The following CNBD1 variants were observed in gnomAD, a reference collection of about 807,000 sequenced individuals.
CNBD1 encodes cyclic nucleotide-binding domain-containing protein 1.
CNBD1 carries 71 observed loss-of-function variants against 54.4 expected under a neutral mutation model. That is an observed-to-expected ratio of 1.30 (90% CI 1.08 to 1.59). The LOEUF (loss-of-function observed/expected upper bound fraction) is 1.59. CNBD1 is among the 40% of genes most tolerant of loss of function. The probability of loss-of-function intolerance (pLI) is 0.00; values close to 1 mark genes in which losing one functional copy is unlikely to be tolerated. For missense variants in CNBD1, 659 were observed against 518.0 expected (o/e 1.27, Z -2.64); for synonymous variants, 182 against 170.7 (o/e 1.07, Z -0.51).
intron 4 of CNBD1, among the ~76,000 whole-genome samples, chr8:87,030,129 A>G (rs1360029957): frequency 6.6e-6 from 1 of 152,246 alleles, no homozygotes; most frequent in Non-Finnish European, 1.5e-5. Flanking sequence ...TTATTTTAAA[A>G]TGCTTGATGG....
intron 9 of CNBD1, among the ~76,000 whole-genome samples, chr8:87,352,747 A>C (rs1238514456): frequency 6.6e-6 from 1 of 152,182 alleles, no homozygotes; most frequent in African/African-American, 2.4e-5. Context: ...CTGTGGTAGA[A>C]AAGTTAGAAC....
At chr8:87,385,078 G>A (rs986164524), downstream of CNBD1, among the ~76,000 whole-genome samples, 4 of 152,138 alleles carry the variant, frequency 2.6e-5, no homozygotes, top group South Asian at 2.1e-4. Flanking sequence ...GGGGGACAAG[G>A]ACTGAAGTGA....
At chr8:87,391,767 G>T (rs1315935688) in intron 2 of CNBD1, among the ~76,000 whole-genome samples, 3 of 151,896 alleles carry the variant, frequency 2.0e-5, no homozygotes, top group African/African-American at 7.3e-5. Context: ...GTAAATCTTT[G>T]TGACCTTGGG....
At chr8:87,230,168 A>G (rs1488974033) in intron 5 of CNBD1, among the ~76,000 whole-genome samples, 1 of 152,144 alleles carries the variant, frequency 6.6e-6, no homozygotes. Context: ...GATTTCATGA[A>G]AAATCTATCA....
At chr8:87,293,532 G>A (rs2130876543) in intron 8 of CNBD1, among the ~76,000 whole-genome samples, 1 of 152,242 alleles carries the variant, frequency 6.6e-6, no homozygotes, top group Non-Finnish European at 1.5e-5. Flanking sequence ...GACAGAGCAA[G>A]ACTCCATCTC....
At chr8:87,322,211 C>T (rs1485300735) in intron 8 of CNBD1, among the ~76,000 whole-genome samples, 2 of 122,388 alleles carry the variant, frequency 1.6e-5, no homozygotes, top group Non-Finnish European at 1.8e-5. Context: ...CATTGTTGGA[C>T]ATTTGGGTTG....
intron 10 of CNBD1, among the ~76,000 whole-genome samples, chr8:87,358,788 G>A (rs1205656610): frequency 1.3e-5 from 2 of 152,126 alleles, no homozygotes; most frequent in Non-Finnish European, 2.9e-5. Flanking sequence ...ACTGGAGAGG[G>A]CAGACAGGAG....
At chr8:87,115,746 C>A (rs1311437797) in intron 4 of CNBD1, among the ~76,000 whole-genome samples, 1 of 152,150 alleles carries the variant, frequency 6.6e-6, no homozygotes, top group Non-Finnish European at 1.5e-5. Flanking sequence ...ACTATCTTTT[C>A]TCATGTTTTC....
chr8:86,959,104 A>G (rs1044312604), intron 4 of CNBD1, among the ~76,000 whole-genome samples: 2 of 152,098 alleles, frequency 1.3e-5, no homozygotes, highest in South Asian at 4.1e-4. Context: ...TCCTTCACTT[A>G]TGAAGCTTAT....
At chr8:87,256,889 A>G (rs1240327869) in intron 6 of CNBD1, among the ~76,000 whole-genome samples, 1 of 151,816 alleles carries the variant, frequency 6.6e-6, no homozygotes, top group Admixed American at 6.6e-5. Flanking sequence ...AATGGCAAGG[A>G]CAGTCTTTCT....
chr8:87,136,548 T>A (rs1329434469), intron 4 of CNBD1, among the ~76,000 whole-genome samples: 15 of 110,184 alleles, frequency 1.4e-4, no homozygotes, highest in South Asian at 2.4e-4. Context: ...TATATTTATA[T>A]TATATATAAA....
intron 6 of CNBD1, among the ~76,000 whole-genome samples, chr8:87,262,876 T>G (rs2130850452): frequency 6.6e-6 from 1 of 152,308 alleles, no homozygotes; most frequent in South Asian, 2.1e-4. Flanking sequence ...ATTTGGCAAT[T>G]AATACAAAAT....
chr8:87,340,635 C>G (rs779973445), intron 8 of CNBD1, among the ~76,000 whole-genome samples: 3 of 151,894 alleles, frequency 2.0e-5, no homozygotes, highest in Non-Finnish European at 4.4e-5. Flanking sequence ...TGTTATTAAG[C>G]TTTTCTGTCA....
intron 2 of CNBD1, among the ~76,000 whole-genome samples, chr8:87,410,707 C>A (rs1183955870): frequency 6.6e-6 from 1 of 152,044 alleles, no homozygotes; most frequent in Non-Finnish European, 1.5e-5. Context: ...GGTAAAATGC[C>A]ATCAAACAGC....
At chr8:87,142,095 A>C (rs1812381387) in intron 4 of CNBD1, among the ~76,000 whole-genome samples, 1 of 152,176 alleles carries the variant, frequency 6.6e-6, no homozygotes, top group Non-Finnish European at 1.5e-5. Context: ...TTGTCAAGAA[A>C]TTTTTGAAAT....
At chr8:87,406,690 G>A (rs1462684671) in intron 2 of CNBD1, among the ~76,000 whole-genome samples, 1 of 152,026 alleles carries the variant, frequency 6.6e-6, no homozygotes, top group Non-Finnish European at 1.5e-5. Context: ...ATGTTGGTCA[G>A]GCTGGTCTCA....
intron 6 of CNBD1, among the ~76,000 whole-genome samples, chr8:87,264,245 G>A (rs895598586): frequency 1.3e-5 from 2 of 152,052 alleles, no homozygotes; most frequent in African/African-American, 4.8e-5. Flanking sequence ...AGAACATGTG[G>A]TGTTTGGTTT....
rs572644679 is a variant in CNBD1 at position 87,322,180 on chromosome 8, C to T, written c.1043-29505C>T. Among the ~76,000 whole-genome samples the T allele has an allele frequency of 1.6e-5, 2 of 122,052 alleles. 1 individual carries two copies. The highest frequency in any genetic ancestry group is 4.1e-4 in the East Asian group (2 of 4,890). 80.1% of individuals were successfully genotyped at this position (122,052 alleles called of 152,430 possible). On this transcript the variant is annotated intron_variant, in intron 8 of 10. Transcript: ENST00000518476. Reference sequence around the variant, plus strand: ...AGTATTCCATGGTGTAAATGTGCCACATTTTCTTAATCCAGTCTATCATTG... The same window carrying T: ...AGTATTCCATGGTGTAAATGTGCCATATTTTCTTAATCCAGTCTATCATTG...
intron 5 of CNBD1, among the ~76,000 whole-genome samples, chr8:87,222,399 C>G (rs186206081): frequency 6.6e-6 from 1 of 152,268 alleles, no homozygotes; most frequent in Admixed American, 6.5e-5. Flanking sequence ...CAAGAGGTTA[C>G]AGTCTACTGG....
Sources: gnomAD v4.1 joint callset for allele counts (sites outside exome capture counted in the v4.1 genomes callset) on GRCh38, gnomAD v4.1.1 for gene constraint, MANE v1.5 for transcripts, NCBI Gene and HGNC (gene_info 2026-07-23, HGNC 2026-07-21) for gene names.